The following CACNG8 variants were observed in gnomAD, a reference collection of about 807,000 sequenced individuals.
The protein encoded by CACNG8 is voltage-dependent calcium channel gamma-8 subunit.
CACNG8 carries 5 observed loss-of-function variants against 26.9 expected under a neutral mutation model. The ratio of observed to expected loss-of-function variants is 0.19; its 90% CI spans 0.10 to 0.39. The LOEUF is 0.39. Ranked by LOEUF, CACNG8 falls within the 10% of genes least tolerant of loss-of-function variation. CACNG8 has a pLI of 1.00. For synonymous variants in CACNG8, 321 were observed against 296.7 expected, an observed-to-expected ratio of 1.08 and a Z score of -0.84; for missense variants, 473 against 609.4, an observed-to-expected ratio of 0.78 and a Z score of 2.36.
At chr19:53,972,139 C>A (rs185746083) in intron 1 of CACNG8, among the ~76,000 whole-genome samples, 1 of 151,944 alleles carries the variant, frequency 6.6e-6, no homozygotes, top group Non-Finnish European at 1.5e-5. Context: ...GGATTACAGG[C>A]ACCCATCACC....
At chr19:53,976,943 G>C (rs553848463) in intron 1 of CACNG8, among the ~76,000 whole-genome samples, 2 of 152,328 alleles carry the variant, frequency 1.3e-5, no homozygotes, top group East Asian at 3.8e-4. Flanking sequence ...AAAGTGCAGG[G>C]ATTACAGGTG....
chr19:53,985,657 A>C lies in CACNG8; in HGVS notation c.*2808A>C, dbSNP rs1014704002. 2 of 152,016 alleles carry C rather than the reference A, an allele frequency of 1.3e-5. No homozygotes were observed. The highest frequency in any genetic ancestry group is 3.9e-4 in the East Asian group (2 of 5,168). 9.4% of individuals were successfully genotyped at this position (152,016 alleles called of 1,614,324 possible). On this transcript the variant is annotated 3_prime_UTR_variant, in exon 4 of 4. Coordinates refer to ENST00000270458, the MANE Select transcript of CACNG8 (RefSeq NM_031895.6). ...AGTTCCAGACCAGCCAACATATTGA[A>C]ATCTTGTCTCTACCAAAAATACAAA... is the stretch of plus-strand genomic sequence containing the variant.
chr19:53,963,550 G>GCAGAAGCC, intron 1 of CACNG8, 125 bp downstream of exon 1: 2 of 976,142 alleles, frequency 2.0e-6, no homozygotes, highest in Non-Finnish European at 2.9e-6. Flanking sequence ...TGCCAGAGGG[G>GCAGAAGCC]CTTCTGCGCC....
chr19:53,975,287 T>C (rs531087896), intron 1 of CACNG8, among the ~76,000 whole-genome samples: 3 of 152,182 alleles, frequency 2.0e-5, no homozygotes, highest in African/African-American at 7.2e-5. Flanking sequence ...CTAACGAATA[T>C]GAGGTGGTAT....
chr19:53,972,338 TC>T (rs1475409097), intron 1 of CACNG8, among the ~76,000 whole-genome samples: 2 of 147,186 alleles, frequency 1.4e-5, no homozygotes, highest in Non-Finnish European at 1.5e-5. Context: ...CTTTTTTTTT[TC>T]TTTCTTCTCT....
chr19:53,975,733 CA>C (rs2069327227), intron 1 of CACNG8, among the ~76,000 whole-genome samples: 1 of 152,220 alleles, frequency 6.6e-6, no homozygotes. Flanking sequence ...ATGCACTAGG[CA>C]CTGTTCTAGA....
Position 53,982,872 on chromosome 19 carries a change from G to C in CACNG8, c.*23G>C. On this transcript the variant is annotated 3_prime_UTR_variant, in exon 4 of 4. Transcript: ENST00000270458. This position sits in a 1 kb window ranked among gnomAD's most constrained non-coding sequence, Gnocchi z 8.4. ...TAGGGGCGCGGCGGGGGAGCCGAGG[G>C]GCGTGTCCGGGGCGCGTGCGCGGGC... 7.9e-7 allele frequency: 1 copy of C among 1,260,936 alleles called. No homozygotes were observed. Among genetic ancestry groups the C allele is most frequent in the Non-Finnish European group, 1.0e-6 (1 of 1,003,066 alleles). 78.1% of individuals were successfully genotyped at this position (1,260,936 alleles called of 1,614,324 possible).
rs372626658 is a variant in CACNG8, at chr19:53,970,417, G to T, written c.283+6992G>T. 5.1e-4 allele frequency among the ~76,000 whole-genome samples: 77 copies of T among 151,444 alleles called. No homozygotes were observed. In the South Asian group the frequency reaches 0.016, roughly 31 times the overall value. On this transcript the variant is annotated intron_variant, in intron 1 of 3. Coordinates refer to ENST00000270458, the MANE Select transcript of CACNG8 (RefSeq NM_031895.6). ...AGGTGGACGGATCACTTGAGGTCAGGAGTTCGAGTCCAGCCTGGCCTATAT... is the reference window on the plus strand; with the variant it reads ...AGGTGGACGGATCACTTGAGGTCAGTAGTTCGAGTCCAGCCTGGCCTATAT...
At chr19:53,968,661 G>A (rs144846028) in intron 1 of CACNG8, among the ~76,000 whole-genome samples, 2 of 151,512 alleles carry the variant, frequency 1.3e-5, no homozygotes, top group Non-Finnish European at 2.9e-5. Context: ...CCAGCTACTC[G>A]GGAGGCTGAG....
intron 1 of CACNG8, 131 bp downstream of exon 1, chr19:53,963,556 G>A (rs1169776100): frequency 1.1e-6 from 1 of 912,916 alleles, no homozygotes; most frequent in East Asian, 3.1e-5. Flanking sequence ...AGGGGCTTCT[G>A]CGCCTTCCCA....
rs2069412159 is a variant in CACNG8, at chr19:53,987,035, G to C, written c.*4186G>C. On this transcript the variant is annotated 3_prime_UTR_variant, in exon 4 of 4. Coordinates refer to ENST00000270458, the MANE Select transcript of CACNG8 (RefSeq NM_031895.6). Reference sequence around the variant, plus strand: ...TGATGGGAAGTGCTTGGAGGGTTTTGAGCACAGGCATGCCATGATCATATT... The same window carrying C: ...TGATGGGAAGTGCTTGGAGGGTTTTCAGCACAGGCATGCCATGATCATATT... 1 of 152,184 alleles carries C rather than the reference G, an allele frequency of 6.6e-6. No individual in the cohort carries two copies. The highest frequency in any genetic ancestry group is 1.5e-5 in the Non-Finnish European group (1 of 68,060). The allele number at this position is 152,184 out of a possible 1,614,324, so 9.4% of individuals were successfully genotyped here.
chr19:53,976,166 C>A (rs538491275), intron 1 of CACNG8, among the ~76,000 whole-genome samples: 84 of 152,130 alleles, frequency 5.5e-4, no homozygotes, highest in Non-Finnish European at 9.7e-4. Context: ...GCAAAGTGGG[C>A]AACATGGGGA....
Position 53,983,058 on chromosome 19 carries a change from A to T in CACNG8, c.*209A>T. 1.5e-5 allele frequency: 2 copies of T among 137,176 alleles called. No individual in the cohort carries two copies. The highest frequency in any genetic ancestry group is 9.0e-5 in the Admixed American group (1 of 11,168). 8.5% of individuals were successfully genotyped at this position (137,176 alleles called of 1,614,324 possible). A position where few individuals can be genotyped will look rare whatever the true frequency, so the allele number is the denominator to read the frequency against. ...GCAGGGGAGGGAGGGGGCCGCTGTG[A>T]GGGAGCGTCGTGTTTTATTTTTTTG... On this transcript the variant is annotated 3_prime_UTR_variant, in exon 4 of 4. Coordinates refer to ENST00000270458, the MANE Select transcript of CACNG8 (RefSeq NM_031895.6).
In CACNG8 at chr19:53,982,981, C is replaced by G. The variant is rs2069383860; in HGVS notation, c.*132C>G. 1 of 455,480 alleles carries G rather than the reference C, an allele frequency of 2.2e-6. No individual in the cohort carries two copies. The highest frequency in any genetic ancestry group is 5.1e-5 in the Admixed American group (1 of 19,660). 28.2% of individuals were successfully genotyped at this position (455,480 alleles called of 1,614,324 possible). On this transcript the variant is annotated 3_prime_UTR_variant, in exon 4 of 4. Coordinates refer to ENST00000270458, the MANE Select transcript of CACNG8 (RefSeq NM_031895.6). This position sits in a 1 kb window ranked among gnomAD's most constrained non-coding sequence, Gnocchi z 8.4. ...TGGAGACTGCTGGGCCCGCCCCACGCCCACCCTCCCCGCCCCCCTCCCCCT... is the reference window on the plus strand; with the variant it reads ...TGGAGACTGCTGGGCCCGCCCCACGGCCACCCTCCCCGCCCCCCTCCCCCT...
At chr19:53,968,067 T>C (rs534692598) in intron 1 of CACNG8, among the ~76,000 whole-genome samples, 56 of 151,848 alleles carry the variant, frequency 3.7e-4, no homozygotes, top group African/African-American at 1.2e-3. Context: ...ATGAATCAGA[T>C]GGATGGAATC....
rs113862922 is a variant in CACNG8, at chr19:53,986,914, G to A, written c.*4065G>A. On this transcript the variant is annotated 3_prime_UTR_variant, in exon 4 of 4. Transcript: ENST00000270458. The stretch of plus-strand genomic sequence containing the variant: ...AGCAGGTCTTCGAGGAGGCCTGTGC[G>A]GTGAGCAGATCCACCATAGGACAGA... 1,102 of 152,346 alleles carry A rather than the reference G, an allele frequency of 7.2e-3. 7 individuals are homozygous for A. The highest frequency in any genetic ancestry group is 0.025 in the African/African-American group (1,043 of 41,528). The allele number at this position is 152,346 out of a possible 1,614,324, so 9.4% of individuals were successfully genotyped here. A position where few individuals can be genotyped will look rare whatever the true frequency, so the allele number is the denominator to read the frequency against.
At chr19:53,971,108 A>G (rs149629867) in intron 1 of CACNG8, among the ~76,000 whole-genome samples, 1,613 of 151,988 alleles carry the variant, frequency 0.011, 37 homozygotes, top group African/African-American at 0.037. Flanking sequence ...CCTGGCCAAC[A>G]TGGTGAAACC....
chr19:53,976,764 C>A (rs945307046), intron 1 of CACNG8, among the ~76,000 whole-genome samples: 1 of 152,134 alleles, frequency 6.6e-6, no homozygotes, highest in African/African-American at 2.4e-5. Context: ...CCTCCACCTC[C>A]TGGGTTCAAG....
In CACNG8 at chr19:53,982,325, A is replaced by T. The variant is rs1421289320; in HGVS notation, c.754A>T (p.Ser252Cys). ...CAAGGCCGGCGGGGGCGCGGGCGGC[A>T]GTGGCGGGAGCGGCCCCTCGGCCAT... Residue 252 changes from serine (S) to cysteine (C), a missense_variant, in exon 4 of 4, where the codon AGT (serine) becomes TGT (cysteine). Ser to Cys is a moderately radical substitution (Grantham distance 112). Coordinates refer to ENST00000270458, the MANE Select transcript of CACNG8 (RefSeq NM_031895.6). This position sits in a 1 kb window ranked among gnomAD's most constrained non-coding sequence, Gnocchi z 8.4. 3 of 1,576,782 alleles carry T rather than the reference A, an allele frequency of 1.9e-6. No individual in the cohort carries two copies. The African/African-American group carries it at 4.2e-5, about 22-fold the overall frequency.
Sources: allele counts gnomAD v4.1 joint callset (sites outside exome capture counted in the v4.1 genomes callset), GRCh38; gene constraint gnomAD v4.1.1; non-coding constraint Gnocchi (gnomAD v3.1); transcripts MANE v1.5; gene names NCBI Gene and HGNC (gene_info 2026-07-23, HGNC 2026-07-21).